NXF3: variants seen among roughly 807,000 people sequenced by gnomAD.
NXF3 encodes nuclear RNA export factor 3, also known as TAP-like protein 3.
In NXF3, 34 loss-of-function variants were observed where a neutral mutation model predicts 48.4. The observed-to-expected ratio is 0.70, with a 90% CI of 0.53 to 0.93. The LOEUF is 0.93. Among genes scored for constraint, NXF3 ranks in the 40% least tolerant of loss-of-function variants. The pLI, the probability that NXF3 is intolerant of heterozygous loss-of-function variation, is 0.00. For missense variants in NXF3, 359 were observed against 406.1 expected (o/e 0.88, Z 1.00); for synonymous variants, 132 against 145.7 (o/e 0.91, Z 0.68).
Position 103,083,407 on chromosome X carries a change from A to C in NXF3, c.531T>G (p.Asp177Glu). Residue 177 changes from aspartate (D) to glutamate (E), a missense_variant, in exon 5 of 20, where the codon GAT becomes GAG. Transcript: ENST00000395065. ...KNVSGKIWDE[D>E]NEKISIFVNP... The stretch of plus-strand genomic sequence containing the variant: ...TTCATTTGACACACACCTTTTCATT[A>C]TCCTCATCCCAAATCTTGCCACTGA... 1 of 1,206,444 alleles carries C rather than the reference A, an allele frequency of 8.3e-7. No individual in the cohort carries two copies. The highest frequency in any genetic ancestry group is 1.1e-6 in the Non-Finnish European group (1 of 890,834).
rs1475775731 is a variant in NXF3, at chrX:103,083,494, A to G, written c.444T>C (p.Tyr148=). 3 of 1,206,103 alleles carry G rather than the reference A, an allele frequency of 2.5e-6. No individual in the cohort carries two copies. In the Admixed American group the frequency reaches 6.5e-5, roughly 26 times the overall value. ...SVPFVPVEFH[Y]ENMHASFFVE... Reference sequence around the variant, plus strand: ...CAAAGAAGCTGGCATGCATGTTTTCATAGTGAAACTATAGGGAGAGTTGCA... The same window carrying G: ...CAAAGAAGCTGGCATGCATGTTTTCGTAGTGAAACTATAGGGAGAGTTGCA... The change falls in exon 5 of 20, where the codon TAT becomes TAC. Residue 148 remains tyrosine, a synonymous_variant. Coordinates refer to ENST00000395065, the MANE Select transcript of NXF3 (RefSeq NM_022052.2).
At chrX:103,087,204 T>A (rs1291778705) in intron 1 of NXF3, 43 of 768,534 alleles carry the variant, frequency 5.6e-5, no homozygotes, top group Non-Finnish European at 3.5e-5. Context: ...ATATGATGCC[T>A]GAAAACTATT....
chrX:103,081,391 C>G (rs1471981292), intron 9 of NXF3: 1 of 112,284 alleles, frequency 8.9e-6, no homozygotes, highest in Non-Finnish European at 1.9e-5. Context: ...GCATGGGGTT[C>G]AGAGTCTGGG....
chrX:103,089,846 C>T (rs1444590962), intron 1 of NXF3, among the ~76,000 whole-genome samples: 1 of 110,266 alleles, frequency 9.1e-6, no homozygotes, highest in Non-Finnish European at 1.9e-5. Flanking sequence ...TTGGTCTTTT[C>T]AAAGCTATTT....
intron 1 of NXF3, chrX:103,087,579 A>G: frequency 1.0e-6 from 1 of 955,962 alleles, no homozygotes; most frequent in East Asian, 3.1e-5. Context: ...CAACATATGG[A>G]GTGTATAATA....
At chrX:103,088,158 A>G in intron 1 of NXF3, 1 of 1,027,347 alleles carries the variant, frequency 9.7e-7, no homozygotes, top group Non-Finnish European at 1.4e-6. Context: ...CAAAATTCCA[A>G]GCAGGTTCAA....
chrX:103,086,017 G>A (rs918414331), intron 1 of NXF3, among the ~76,000 whole-genome samples: 4 of 110,281 alleles, frequency 3.6e-5, no homozygotes, highest in African/African-American at 1.3e-4. Context: ...CAGACCTCCA[G>A]GCCAGGCTGG....
intron 16 of NXF3, among the ~76,000 whole-genome samples, chrX:103,078,901 G>A (rs191262612): frequency 8.9e-5 from 10 of 112,266 alleles, no homozygotes; most frequent in Admixed American, 3.8e-4. Flanking sequence ...CAAGAGATGG[G>A]TTATTATTAG....
intron 18 of NXF3, 119 bp downstream of exon 18, chrX:103,077,495 G>T: frequency 7.7e-6 from 6 of 782,174 alleles, no homozygotes; most frequent in Non-Finnish European, 1.1e-5. Flanking sequence ...CTCGTGATTC[G>T]CCCGCCTCGG....
intron 17 of NXF3, 31 bp downstream of exon 17, chrX:103,078,529 T>C (rs750819773): frequency 5.0e-6 from 6 of 1,210,000 alleles, no homozygotes; most frequent in Non-Finnish European, 6.7e-6. Flanking sequence ...CAGGTTGGGA[T>C]GGGTGCTCCC....
At position 103,080,085 on chromosome X, in the gene NXF3, C is replaced by G; in HGVS notation, c.997-17G>C. 1 of 1,210,557 alleles carries G rather than the reference C, an allele frequency of 8.3e-7. No individual in the cohort carries two copies. Among genetic ancestry groups the G allele is most frequent in the Non-Finnish European group, 1.1e-6 (1 of 894,666 alleles). The stretch of plus-strand genomic sequence containing the variant: ...GAAGCTTCCCTGGAATAAAGAGTCC[C>G]CAGGACCACAGATGGTACCCCCCCT... On this transcript the variant is annotated splice_polypyrimidine_tract_variant and intron_variant, in intron 11 of 19. Coordinates refer to ENST00000395065, the MANE Select transcript of NXF3 (RefSeq NM_022052.2).
Position 103,079,837 on chromosome X carries a change from C to G in NXF3, c.1086G>C (p.Gln362His), listed in dbSNP as rs780112424. 6 of 1,208,434 alleles carry G rather than the reference C, an allele frequency of 5.0e-6. No individual in the cohort carries two copies. The highest frequency in any genetic ancestry group is 6.7e-6 in the Non-Finnish European group (6 of 894,241). The change falls in exon 13 of 20, where the codon CAG becomes CAC. Residue 362 changes from glutamine to histidine, a missense_variant. By Grantham distance (24) the Gln-to-His change is conservative. Transcript: ENST00000395065. ...CATCGTGGTAAGCACTAAGGAGACC[C>G]TGTCGATCTCCAGAGTCATAGATCA... Reference protein sequence around the residue: ...YYLIYDSGDRQGLLSAYHDEA... With the variant: ...YYLIYDSGDRHGLLSAYHDEA...
At position 103,093,098 on chromosome X, in the gene NXF3, G is replaced by A. The variant is rs1922317968; in HGVS notation, c.-75C>T. The A allele has an allele frequency of 5.1e-6, 5 of 987,986 alleles. No individual in the cohort carries two copies. The highest frequency in any genetic ancestry group is 7.2e-6 in the Non-Finnish European group (5 of 697,938). 81.4% of individuals were successfully genotyped at this position (987,986 alleles called of 1,213,427 possible). A position where few individuals can be genotyped will look rare whatever the true frequency, so the allele number is the denominator to read the frequency against. ...GGGACGGGAGTTTGGAGAAGATTGA[G>A]GAGGGCTGCTGACGAAGGCGAGAGC... is the stretch of plus-strand genomic sequence containing the variant. On this transcript the variant is annotated 5_prime_UTR_variant, in exon 1 of 20. Coordinates refer to ENST00000395065, the MANE Select transcript of NXF3 (RefSeq NM_022052.2).
chrX:103,081,354 A>C (rs923108960), intron 9 of NXF3: 6 of 111,997 alleles, frequency 5.4e-5, no homozygotes, highest in African/African-American at 1.9e-4. Flanking sequence ...TTCTCCCGGG[A>C]GAAGTGAAGG....
At chrX:103,079,123 G>A (rs371688570) in intron 16 of NXF3, 98 bp downstream of exon 16, 1 of 889,324 alleles carries the variant, frequency 1.1e-6, no homozygotes, top group Non-Finnish European at 1.7e-6. Flanking sequence ...AGGAAGGAAA[G>A]GAACGAAATG....
At chrX:103,079,154 G>C in intron 16 of NXF3, 67 bp downstream of exon 16, 1 of 1,078,430 alleles carries the variant, frequency 9.3e-7, no homozygotes, top group Non-Finnish European at 1.3e-6. Context: ...GGGGAGTTCT[G>C]AGATGGAGCC....
chrX:103,091,099 A>G, intron 1 of NXF3, among the ~76,000 whole-genome samples: 1 of 112,269 alleles, frequency 8.9e-6, no homozygotes, highest in East Asian at 2.8e-4. Context: ...TTTTATTTGA[A>G]GGAAATGTTT....
intron 14 of NXF3, 26 bp downstream of exon 14, chrX:103,079,540 TCACACCCCCTTACCCTGC>T: frequency 8.4e-7 from 1 of 1,193,521 alleles, no homozygotes; most frequent in Non-Finnish European, 1.1e-6. Context: ...ATTGTTCCTG[TCACACCCCCTTACCCTGC>T]CCAGACTTCT....
In NXF3 at chrX:103,083,611, C is replaced by G; in HGVS notation, c.433G>C (p.Glu145Gln). ...TCTGCCTCACGGTCCTTTCTTACCT[C>G]AACTGGGACGAAGGGTACACTGCAT... is the stretch of plus-strand genomic sequence containing the variant. ...NECSVPFVPV[E>Q]FHYENMHASF... The change falls in exon 4 of 20, where the codon GAG becomes CAG. Residue 145 changes from glutamate (E) to glutamine (Q), a missense_variant and splice_region_variant. By Grantham distance (29) the Glu-to-Gln change is conservative. Coordinates refer to ENST00000395065, the MANE Select transcript of NXF3 (RefSeq NM_022052.2). 1 of 1,206,850 alleles carries G rather than the reference C, an allele frequency of 8.3e-7. No individual in the cohort carries two copies. Among genetic ancestry groups the G allele is most frequent in the Non-Finnish European group, 1.1e-6 (1 of 891,109 alleles).
Sources: allele counts gnomAD v4.1 joint callset (sites outside exome capture counted in the v4.1 genomes callset), GRCh38; gene constraint gnomAD v4.1.1; transcripts MANE v1.5; gene names NCBI Gene and HGNC (gene_info 2026-07-23, HGNC 2026-07-21).